Variants in PSD3 observed in about 807,000 individuals in gnomAD.
PSD3 encodes pleckstrin and Sec7 domain containing 3.
PSD3 carries 49 observed loss-of-function variants against 105.5 expected under a neutral mutation model. The ratio of observed to expected loss-of-function variants is 0.46; its 90% CI spans 0.37 to 0.59. PSD3 has a LOEUF of 0.59. Ranked by LOEUF, PSD3 falls within the 20% of genes least tolerant of loss-of-function variation. The pLI, the probability that PSD3 is intolerant of heterozygous loss-of-function variation, is 0.00. For missense variants in PSD3, 1,561 were observed against 1,263.8 expected (o/e 1.24, Z -3.57); for synonymous variants, 557 against 457.8 (o/e 1.22, Z -2.77).
intron 11 of PSD3, among the ~76,000 whole-genome samples, chr8:18,607,771 G>A (rs1326535253): frequency 6.6e-6 from 1 of 151,818 alleles, no homozygotes; most frequent in Non-Finnish European, 1.5e-5. Context: ...CTATGACTGG[G>A]TAATTTATAA....
At chr8:18,788,406 T>G (rs1809386650) in intron 8 of PSD3, among the ~76,000 whole-genome samples, 2 of 152,170 alleles carry the variant, frequency 1.3e-5, no homozygotes, top group South Asian at 4.1e-4. Context: ...ACCAAATCTT[T>G]GAGCGTGCCA....
intron 1 of PSD3, among the ~76,000 whole-genome samples, chr8:18,993,857 T>C (rs1231630149): frequency 2.5e-5 from 3 of 119,832 alleles, no homozygotes; most frequent in Non-Finnish European, 6.0e-5. Context: ...ACAATTTGAT[T>C]ATATCAAACA....
At chr8:18,934,295 T>A (rs1339046505) in intron 2 of PSD3, among the ~76,000 whole-genome samples, 1 of 152,182 alleles carries the variant, frequency 6.6e-6, no homozygotes, top group Non-Finnish European at 1.5e-5. Flanking sequence ...AAATTAAGGA[T>A]TGCACTTATA....
chr8:18,560,175 TACACACACACACAC>T (rs5889808), intron 14 of PSD3, among the ~76,000 whole-genome samples: 20 of 143,340 alleles, frequency 1.4e-4, no homozygotes, highest in Admixed American at 2.1e-4. Flanking sequence ...ATACACATTT[TACACACACACACAC>T]ACACACACAC....
At chr8:18,599,610 T>C (rs776904711) in intron 12 of PSD3, among the ~76,000 whole-genome samples, 8 of 152,162 alleles carry the variant, frequency 5.3e-5, no homozygotes, top group East Asian at 1.9e-4. Context: ...AGACCCTATA[T>C]ATAGATGACC....
At chr8:18,853,248 A>G (rs753779987) in intron 4 of PSD3, among the ~76,000 whole-genome samples, 4 of 152,194 alleles carry the variant, frequency 2.6e-5, no homozygotes, top group Non-Finnish European at 5.9e-5. Context: ...AGGAACTTAC[A>G]ATCCATAGTC....
At chr8:18,544,174 A>AAAAAAAAAAAAAAAAAAAAAACC (rs1800316640) in intron 15 of PSD3, among the ~76,000 whole-genome samples, 2 of 22,750 alleles carry the variant, frequency 8.8e-5, no homozygotes, top group African/African-American at 1.8e-4. Context: ...AACAAACCAA[A>AAAAAAAAAAAAAAAAAAAAAACC]AAAAAAAAAA....
intron 9 of PSD3, among the ~76,000 whole-genome samples, chr8:18,763,856 T>G (rs373562945): frequency 6.6e-6 from 1 of 152,140 alleles, no homozygotes; most frequent in South Asian, 2.1e-4. Flanking sequence ...ACCACCACCA[T>G]TTTCGGTATC....
At chr8:18,559,863 G>A (rs985483023) in intron 14 of PSD3, among the ~76,000 whole-genome samples, 3 of 152,094 alleles carry the variant, frequency 2.0e-5, no homozygotes, top group Non-Finnish European at 4.4e-5. Context: ...TTTGTTCACT[G>A]TTACCAAGCT....
intron 15 of PSD3, among the ~76,000 whole-genome samples, chr8:18,555,265 A>G (rs1018154341): frequency 7.2e-5 from 11 of 152,118 alleles, no homozygotes; most frequent in African/African-American, 2.4e-4. Flanking sequence ...CGCCACAGAC[A>G]CTGATCGCTA....
intron 9 of PSD3, among the ~76,000 whole-genome samples, chr8:18,687,395 G>C (rs1362962963): frequency 6.6e-6 from 1 of 152,134 alleles, no homozygotes; most frequent in Non-Finnish European, 1.5e-5. Context: ...GAGCCCAGGA[G>C]GTTGAGGTTG....
chr8:18,654,445 G>T (rs913025442), intron 10 of PSD3, among the ~76,000 whole-genome samples: 1 of 152,028 alleles, frequency 6.6e-6, no homozygotes, highest in African/African-American at 2.4e-5. Context: ...TAAAATCCAC[G>T]AAGTTCTAAT....
intron 9 of PSD3, among the ~76,000 whole-genome samples, chr8:18,760,793 G>A (rs1226854883): frequency 1.3e-5 from 2 of 152,218 alleles, no homozygotes; most frequent in East Asian, 3.9e-4. Flanking sequence ...GAAGTCCCCA[G>A]GCTGACACAG....
chr8:18,665,796 A>G (rs990836951), intron 9 of PSD3, among the ~76,000 whole-genome samples: 5 of 152,196 alleles, frequency 3.3e-5, no homozygotes, highest in Non-Finnish European at 7.3e-5. Context: ...GGCTGCAGTG[A>G]GCTGTGATCG....
chr8:18,576,144 T>G (rs181592034), intron 12 of PSD3, among the ~76,000 whole-genome samples: 45 of 152,146 alleles, frequency 3.0e-4, no homozygotes, highest in African/African-American at 1.0e-3. Context: ...CCTCCATACT[T>G]CCCCTCCCTT....
At chr8:18,998,279 A>G (rs1290711921) in intron 1 of PSD3, among the ~76,000 whole-genome samples, 2 of 152,024 alleles carry the variant, frequency 1.3e-5, no homozygotes, top group Non-Finnish European at 2.9e-5. Flanking sequence ...ACCACATACA[A>G]AATCTGGCCC....
chr8:18,878,973 A>G (rs1403852974), intron 2 of PSD3, among the ~76,000 whole-genome samples: 1 of 151,988 alleles, frequency 6.6e-6, no homozygotes, highest in East Asian at 1.9e-4. Flanking sequence ...AGTTAAACTT[A>G]GACACTTGGG....
intron 1 of PSD3, among the ~76,000 whole-genome samples, chr8:18,992,047 G>A (rs1442250740): frequency 6.6e-6 from 1 of 152,044 alleles, no homozygotes; most frequent in East Asian, 1.9e-4. Flanking sequence ...AACCTAGGTC[G>A]GTCAAATTCC....
At chr8:18,860,101 G>A (rs1008299510) in intron 4 of PSD3, among the ~76,000 whole-genome samples, 3 of 152,116 alleles carry the variant, frequency 2.0e-5, no homozygotes, top group African/African-American at 7.2e-5. Flanking sequence ...GGCATTGCAG[G>A]GTTATTAACT....
Sources: allele counts gnomAD v4.1 joint callset (sites outside exome capture counted in the v4.1 genomes callset), GRCh38; gene constraint gnomAD v4.1.1; transcripts MANE v1.5; gene names NCBI Gene and HGNC (gene_info 2026-07-23, HGNC 2026-07-21).